SCN1A: variants seen among roughly 807,000 people sequenced by gnomAD.
SCN1A encodes the protein sodium channel protein type 1 subunit alpha.
In SCN1A, 13 loss-of-function variants were observed where a neutral mutation model predicts 193.7. The ratio of observed to expected loss-of-function variants is 0.07; its 90% CI spans 0.04 to 0.11. SCN1A has a LOEUF of 0.11. Among genes scored for constraint, SCN1A ranks in the 10% least tolerant of loss-of-function variants. The probability of loss-of-function intolerance (pLI) is 1.00; values close to 1 mark genes in which losing one functional copy is unlikely to be tolerated. For missense variants in SCN1A, 1,432 were observed against 2,451.1 expected (o/e 0.58, Z 8.78); for synonymous variants, 781 against 843.6 (o/e 0.93, Z 1.29).
rs1315057720 is a variant in SCN1A, at chr2:165,988,051, A to G, written c.*3194T>C. 1.3e-5 allele frequency: 2 copies of G among 152,092 alleles called. No homozygotes were observed. The highest frequency in any genetic ancestry group is 4.1e-4 in the South Asian group (2 of 4,822). The allele number at this position is 152,092 out of a possible 1,614,324, so 9.4% of individuals were successfully genotyped here. ...TACTGTCCCTTTTCTGGTTGAGGCT[A>G]TATTCCCTCTTCTGGCTTCACCTGA... is the stretch of plus-strand genomic sequence containing the variant. On this transcript the variant is annotated 3_prime_UTR_variant, in exon 29 of 29. Coordinates refer to ENST00000674923, the MANE Select transcript of SCN1A (RefSeq NM_001165963.4).
chr2:166,094,001 A>G (rs1301149170), intron 2 of SCN1A, among the ~76,000 whole-genome samples: 1 of 152,096 alleles, frequency 6.6e-6, no homozygotes, highest in African/African-American at 2.4e-5. Flanking sequence ...GAGTCATTCC[A>G]CTTTTTCATG....
At position 166,039,403 on chromosome 2, in the gene SCN1A, CTTTTTTT is replaced by C; in HGVS notation, c.2589+13_2589+19del. On this transcript the variant is annotated intron_variant, in intron 17 of 28. Coordinates refer to ENST00000674923, the MANE Select transcript of SCN1A (RefSeq NM_001165963.4). ...GTTAGAAAGGTTTTTGAATTTGGTG[CTTTTTTT>C]TTTTTTTTTTACCAATCGAAATGAA... The C allele has an allele frequency of 2.6e-6, 4 of 1,531,588 alleles. No homozygotes were observed. Among genetic ancestry groups the C allele is most frequent in the Admixed American group, 3.6e-5 (2 of 54,890 alleles). The allele number at this position is 1,531,588 out of a possible 1,614,324, so 94.9% of individuals were successfully genotyped here.
intron 2 of SCN1A, among the ~76,000 whole-genome samples, chr2:166,123,327 T>C (rs1690839235): frequency 6.6e-6 from 1 of 150,904 alleles, no homozygotes; most frequent in South Asian, 2.1e-4. Context: ...TAAACACTGG[T>C]TTTCATGCTT....
intron 2 of SCN1A, chr2:166,092,602 G>C (rs1686932517): frequency 6.6e-6 from 1 of 152,314 alleles, no homozygotes; most frequent in Non-Finnish European, 1.5e-5. Context: ...CTGGCCTCAA[G>C]TGATCCTTCT....
intron 28 of SCN1A, chr2:165,993,748 A>G (rs549024608): frequency 1.4e-5 from 3 of 217,842 alleles, no homozygotes; most frequent in Admixed American, 5.2e-5. Context: ...ACTAATATCT[A>G]TATGCTGGTG....
At chr2:166,079,162 A>T (rs754802868) in intron 2 of SCN1A, among the ~76,000 whole-genome samples, 115 of 151,038 alleles carry the variant, frequency 7.6e-4, no homozygotes, top group Non-Finnish European at 1.3e-3. Flanking sequence ...GTCTGTACAT[A>T]TTTTTTTTCT....
chr2:166,097,168 C>T (rs1315222896), intron 2 of SCN1A, among the ~76,000 whole-genome samples: 2 of 152,054 alleles, frequency 1.3e-5, no homozygotes, highest in Non-Finnish European at 2.9e-5. Flanking sequence ...ACTACAGGTG[C>T]ATGCCACCAC....
intron 4 of SCN1A, among the ~76,000 whole-genome samples, chr2:166,069,739 A>T (rs1559276330): frequency 6.6e-6 from 1 of 152,254 alleles, no homozygotes; most frequent in Non-Finnish European, 1.5e-5. Flanking sequence ...TGCAAATGAC[A>T]CATTAACTAT....
chr2:166,011,144 C>T (rs990222625), intron 22 of SCN1A, among the ~76,000 whole-genome samples: 20 of 151,056 alleles, frequency 1.3e-4, no homozygotes, highest in Admixed American at 1.1e-3. Context: ...TTCACAGTAA[C>T]ATTGTTAAGT....
intron 24 of SCN1A, 88 bp from the exon 25 acceptor site, chr2:165,999,864 A>C: frequency 9.7e-7 from 1 of 1,030,772 alleles, no homozygotes; most frequent in Non-Finnish European, 1.5e-6. Flanking sequence ...TATAATTTTC[A>C]AAAGGGAATA....
intron 2 of SCN1A, among the ~76,000 whole-genome samples, chr2:166,078,538 A>C (rs1483232663): frequency 6.6e-6 from 1 of 151,628 alleles, no homozygotes; most frequent in Non-Finnish European, 1.5e-5. Context: ...TGTGAATCTA[A>C]AACTACTGTA....
chr2:166,073,959 T>A (rs1174971692), intron 3 of SCN1A, among the ~76,000 whole-genome samples: 1 of 152,218 alleles, frequency 6.6e-6, no homozygotes, highest in Non-Finnish European at 1.5e-5. Context: ...ATTAACACTA[T>A]ATCACTAATG....
At chr2:166,124,101 A>C (rs1175519959) in intron 2 of SCN1A, among the ~76,000 whole-genome samples, 1 of 152,138 alleles carries the variant, frequency 6.6e-6, no homozygotes, top group Non-Finnish European at 1.5e-5. Context: ...ATTTACTGAC[A>C]TTTCTTTGCA....
At chr2:166,071,453 G>T (rs1399951453) in intron 4 of SCN1A, among the ~76,000 whole-genome samples, 28 of 151,980 alleles carry the variant, frequency 1.8e-4, no homozygotes, top group Admixed American at 1.7e-3. Context: ...ACTGTAAAAT[G>T]AATAGATCAG....
chr2:166,058,489 C>A, intron 5 of SCN1A, 81 bp downstream of exon 5: 1 of 807,436 alleles, frequency 1.2e-6, no homozygotes, highest in South Asian at 1.5e-5. Context: ...TGGACATTTC[C>A]CAACTTAATT....
chr2:166,143,399 C>G (rs976461111), intron 1 of SCN1A, among the ~76,000 whole-genome samples: 1 of 152,020 alleles, frequency 6.6e-6, no homozygotes, highest in African/African-American at 2.4e-5. Flanking sequence ...ATCTCCTGAC[C>G]TCATGATCTG....
intron 9 of SCN1A, among the ~76,000 whole-genome samples, chr2:166,049,751 A>G (rs1698318340): frequency 6.6e-6 from 1 of 151,970 alleles, no homozygotes; most frequent in Non-Finnish European, 1.5e-5. Flanking sequence ...TATATACTTG[A>G]ATTATTCTTA....
chr2:166,104,164 A>G lies in SCN1A; in HGVS notation c.-142+22760T>C, dbSNP rs1688437323. On this transcript the variant is annotated intron_variant, in intron 2 of 28. Coordinates refer to ENST00000674923, the MANE Select transcript of SCN1A (RefSeq NM_001165963.4). ...AAAAGAGACATAAACAGATTTGCCA[A>G]TACTTTCTAAGAAAAATTATGGAAC... The G allele has an allele frequency of 2.0e-5, 3 of 152,246 alleles. No homozygotes were observed. In the South Asian group the frequency reaches 6.2e-4, roughly 31 times the overall value. The allele number at this position is 152,246 out of a possible 1,614,324, so 9.4% of individuals were successfully genotyped here.
rs866016977 is a variant in SCN1A at position 166,106,705 on chromosome 2, A to G, written c.-142+20219T>C. ...CCCCATCTGGGCATGTGGCTGGGGA[A>G]AAACACCACCAGATGTCATTACACA... On this transcript the variant is annotated intron_variant, in intron 2 of 28. Coordinates refer to ENST00000674923, the MANE Select transcript of SCN1A (RefSeq NM_001165963.4). Among the ~76,000 whole-genome samples, 28 of 152,296 alleles carry G rather than the reference A, an allele frequency of 1.8e-4. No homozygotes were observed. In the Middle Eastern group the frequency reaches 0.01, roughly 56 times the overall value.
Sources: gnomAD v4.1 joint callset for allele counts (sites outside exome capture counted in the v4.1 genomes callset) on GRCh38, gnomAD v4.1.1 for gene constraint, MANE v1.5 for transcripts, NCBI Gene and HGNC (gene_info 2026-07-23, HGNC 2026-07-21) for gene names.